TSPAN9: variants seen among roughly 807,000 people sequenced by gnomAD.
The protein encoded by TSPAN9 is tetraspanin-9.
TSPAN9 carries 16 observed loss-of-function variants against 31.0 expected under a neutral mutation model. The ratio of observed to expected loss-of-function variants is 0.52; its 90% CI spans 0.35 to 0.78. The LOEUF is 0.78. Among genes scored for constraint, TSPAN9 ranks in the 30% least tolerant of loss-of-function variants. The pLI is 0.01. For missense variants in TSPAN9, 272 were observed against 312.5 expected (o/e 0.87, Z 0.98); for synonymous variants, 145 against 121.6 (o/e 1.19, Z -1.27).
chr12:3,130,716 T>C (rs933901985), intron 2 of TSPAN9, among the ~76,000 whole-genome samples: 3 of 152,188 alleles, frequency 2.0e-5, no homozygotes, highest in Non-Finnish European at 4.4e-5. Flanking sequence ...GTCAGTGAGA[T>C]AACCTACACA....
rs1283911742 is a variant in TSPAN9, at chr12:3,200,932, G to C, written c.-17-245G>C. ...GGAACGCCGCGAGCATGGAGAAGTC[G>C]AGTAGCGAGGATTCTTCGATCCATC... On this transcript the variant is annotated intron_variant, in intron 2 of 8. Transcript: ENST00000011898. 13 of 437,596 alleles carry C rather than the reference G, an allele frequency of 3.0e-5. No homozygotes were observed. The East Asian group carries it at 5.0e-4, about 17-fold the overall frequency. The allele number at this position is 437,596 out of a possible 1,614,324, so 27.1% of individuals were successfully genotyped here. A position where few individuals can be genotyped will look rare whatever the true frequency, so the allele number is the denominator to read the frequency against.
At chr12:3,111,053 C>T (rs1214362176) in intron 2 of TSPAN9, among the ~76,000 whole-genome samples, 2 of 152,162 alleles carry the variant, frequency 1.3e-5, no homozygotes, top group African/African-American at 4.8e-5. Context: ...GTGGTTGGAC[C>T]GGCTGCATCG....
intron 3 of TSPAN9, chr12:3,215,310 C>G (rs1241250732): frequency 6.6e-6 from 1 of 152,276 alleles, no homozygotes; most frequent in Non-Finnish European, 1.5e-5. Context: ...CCCTGCTGCT[C>G]TGCCATTGAC....
chr12:3,149,270 G>C (rs989491211), intron 2 of TSPAN9, among the ~76,000 whole-genome samples: 1 of 152,206 alleles, frequency 6.6e-6, no homozygotes, highest in Admixed American at 6.5e-5. Flanking sequence ...CCTGTGTGTA[G>C]GGGCTGGACT....
chr12:3,247,160 G>A (rs1862152049), intron 3 of TSPAN9, among the ~76,000 whole-genome samples: 1 of 152,158 alleles, frequency 6.6e-6, no homozygotes, highest in African/African-American at 2.4e-5. Flanking sequence ...ATGACTGTGA[G>A]CATGTCCTAG....
chr12:3,086,693 A>AGGCATT (rs2098300684), intron 2 of TSPAN9, among the ~76,000 whole-genome samples: 1 of 152,194 alleles, frequency 6.6e-6, no homozygotes, highest in African/African-American at 2.4e-5. Context: ...GATCTTGGTG[A>AGGCATT]GGCCTTGGCC....
intron 3 of TSPAN9, among the ~76,000 whole-genome samples, chr12:3,230,008 C>T (rs747994918): frequency 4.4e-4 from 67 of 152,208 alleles, no homozygotes; most frequent in African/African-American, 1.4e-3. Flanking sequence ...AAGAGCACAA[C>T]GGAGCAGTGT....
intron 2 of TSPAN9, chr12:3,173,633 C>T (rs1427722781): frequency 2.0e-5 from 3 of 152,230 alleles, no homozygotes; most frequent in Admixed American, 2.0e-4. Context: ...GTACTTAGAA[C>T]TACAGGTGGA....
chr12:3,246,200 G>A (rs1181900683), intron 3 of TSPAN9, among the ~76,000 whole-genome samples: 1 of 151,718 alleles, frequency 6.6e-6, no homozygotes, highest in Non-Finnish European at 1.5e-5. Flanking sequence ...GGGGGGTGGT[G>A]CCACACACTT....
intron 2 of TSPAN9, among the ~76,000 whole-genome samples, chr12:3,197,741 C>T (rs867219021): frequency 0.011 from 975 of 89,724 alleles, 18 homozygotes; most frequent in African/African-American, 0.047. Context: ...CCAGCACAGG[C>T]CACCACCAGC....
rs1347139125 is a variant in TSPAN9 at position 3,143,561 on chromosome 12, G to A, written c.-17-57616G>A. The stretch of plus-strand genomic sequence containing the variant: ...TTATTTTTATCATTACAGACTCATG[G>A]ATATTTATTTACTTCACAGATAAAA... On this transcript the variant is annotated intron_variant, in intron 2 of 8. Coordinates refer to ENST00000011898, the MANE Select transcript of TSPAN9 (RefSeq NM_006675.5). The surrounding 1 kb of genome is among the most constrained non-coding windows in gnomAD (Gnocchi z 4.2). Among the ~76,000 whole-genome samples, 1 of 151,892 alleles carries A rather than the reference G, an allele frequency of 6.6e-6. No individual in the cohort carries two copies. The highest frequency in any genetic ancestry group is 1.9e-4 in the East Asian group (1 of 5,194).
At chr12:3,176,519 G>A (rs1411465090) in intron 2 of TSPAN9, among the ~76,000 whole-genome samples, 1 of 152,224 alleles carries the variant, frequency 6.6e-6, no homozygotes, top group African/African-American at 2.4e-5. Context: ...CTGTGGTAAT[G>A]AAGGACATTC....
rs150379593 is a variant in TSPAN9, at chr12:3,156,152, C to G, written c.-17-45025C>G. On this transcript the variant is annotated intron_variant, in intron 2 of 8. Coordinates refer to ENST00000011898, the MANE Select transcript of TSPAN9 (RefSeq NM_006675.5). ...GGCCAGCCTCCTCCCCAGCCTGTGT[C>G]AGCGGCATTGAGAAGTGTGTCTGGG... Among the ~76,000 whole-genome samples, 414 of 152,322 alleles carry G rather than the reference C, an allele frequency of 2.7e-3. 3 individuals are homozygous for G. Among genetic ancestry groups the G allele is most frequent in the African/African-American group, 9.6e-3 (398 of 41,570 alleles).
At chr12:3,121,672 C>T (rs897827384) in intron 2 of TSPAN9, among the ~76,000 whole-genome samples, 1 of 151,364 alleles carries the variant, frequency 6.6e-6, no homozygotes, top group Non-Finnish European at 1.5e-5. Context: ...GCCACTGCAC[C>T]TGGCTGATGT....
chr12:3,264,496 G>C (rs1422489841), intron 3 of TSPAN9, among the ~76,000 whole-genome samples: 2 of 152,234 alleles, frequency 1.3e-5, no homozygotes, highest in East Asian at 3.9e-4. Context: ...GGGTGGCTGG[G>C]GACCGGCAGG....
rs959549584 is a variant in TSPAN9, at chr12:3,120,084, C to T, written c.-18+36365C>T. 7.2e-5 allele frequency among the ~76,000 whole-genome samples: 11 copies of T among 152,306 alleles called. No individual in the cohort carries two copies. In the South Asian group the frequency reaches 1.7e-3, roughly 23 times the overall value. ...CTGCTTGGGAAATTCATTGCCCACT[C>T]GTTCCCTCTTCCTTTCCTCTGTTGC... On this transcript the variant is annotated intron_variant, in intron 2 of 8. Coordinates refer to ENST00000011898, the MANE Select transcript of TSPAN9 (RefSeq NM_006675.5).
At chr12:3,112,113 A>G (rs986105814) in intron 2 of TSPAN9, among the ~76,000 whole-genome samples, 1 of 141,404 alleles carries the variant, frequency 7.1e-6, no homozygotes, top group Admixed American at 7.2e-5. Context: ...ATTTATTGGC[A>G]TCTAGTTGCT....
At chr12:3,179,088 G>A (rs1483121156) in intron 2 of TSPAN9, among the ~76,000 whole-genome samples, 5 of 152,140 alleles carry the variant, frequency 3.3e-5, no homozygotes, top group South Asian at 4.2e-4. Flanking sequence ...GTCAATGTTG[G>A]CATTAGACAG....
At chr12:3,129,264 C>T (rs1443561409) in intron 2 of TSPAN9, among the ~76,000 whole-genome samples, 1 of 152,202 alleles carries the variant, frequency 6.6e-6, no homozygotes, top group Non-Finnish European at 1.5e-5. Context: ...ACTCCAGTGG[C>T]TCCCCACTGC....
Sources: allele counts gnomAD v4.1 joint callset (sites outside exome capture counted in the v4.1 genomes callset), GRCh38; gene constraint gnomAD v4.1.1; non-coding constraint Gnocchi (gnomAD v3.1); transcripts MANE v1.5; gene names NCBI Gene and HGNC (gene_info 2026-07-23, HGNC 2026-07-21).